The following EPHA6 variants were observed in gnomAD, a reference collection of about 807,000 sequenced individuals.
EPHA6 encodes EPH receptor A6.
A neutral mutation model predicts 112.0 loss-of-function variants in EPHA6; 50 were observed. That is an observed-to-expected ratio of 0.45 (90% CI 0.36 to 0.56). EPHA6 has a LOEUF of 0.56. Ranked by LOEUF, EPHA6 falls within the 20% of genes least tolerant of loss-of-function variation. EPHA6 has a pLI of 0.00. For synonymous variants in EPHA6, 529 were observed against 490.7 expected (o/e 1.08, Z -1.03); for missense variants, 1,280 against 1,417.4 (o/e 0.90, Z 1.56).
At chr3:97,372,523 A>C (rs1345629691) in intron 5 of EPHA6, among the ~76,000 whole-genome samples, 1 of 152,168 alleles carries the variant, frequency 6.6e-6, no homozygotes, top group African/African-American at 2.4e-5. Context: ...CAATAATTTG[A>C]AAATGACCTA....
intron 6 of EPHA6, among the ~76,000 whole-genome samples, chr3:97,425,616 C>T (rs1208055361): frequency 1.3e-5 from 2 of 152,192 alleles, no homozygotes; most frequent in Non-Finnish European, 2.9e-5. Flanking sequence ...GGGAAGATCT[C>T]TGACATGGCC....
At chr3:97,680,107 A>T (rs1218062330) in intron 14 of EPHA6, among the ~76,000 whole-genome samples, 1 of 152,172 alleles carries the variant, frequency 6.6e-6, no homozygotes, top group African/African-American at 2.4e-5. Context: ...AATCTCTGTC[A>T]ATTTTGACTT....
chr3:97,572,147 C>CTTTTTT (rs869271956), intron 11 of EPHA6, among the ~76,000 whole-genome samples: 10 of 128,362 alleles, frequency 7.8e-5, no homozygotes, highest in South Asian at 2.5e-4. Context: ...ATCTCTTTTC[C>CTTTTTT]TTTTTTTTTT....
At chr3:97,044,091 C>T (rs2045420615) in intron 3 of EPHA6, among the ~76,000 whole-genome samples, 1 of 152,196 alleles carries the variant, frequency 6.6e-6, no homozygotes, top group Non-Finnish European at 1.5e-5. Context: ...CATACATGTA[C>T]AGATGATGCT....
At chr3:97,547,810 C>G (rs1457436989) in intron 11 of EPHA6, among the ~76,000 whole-genome samples, 1 of 152,178 alleles carries the variant, frequency 6.6e-6, no homozygotes, top group African/African-American at 2.4e-5. Context: ...GCAGCTGGAT[C>G]TTAGACTGCT....
chr3:97,366,875 C>G (rs940936607), intron 5 of EPHA6, among the ~76,000 whole-genome samples: 1 of 152,118 alleles, frequency 6.6e-6, no homozygotes, highest in African/African-American at 2.4e-5. Context: ...CTTTTCTGTT[C>G]CTATGAAATG....
At chr3:97,555,444 T>G (rs184606012) in intron 11 of EPHA6, among the ~76,000 whole-genome samples, 1 of 151,742 alleles carries the variant, frequency 6.6e-6, no homozygotes, top group South Asian at 2.1e-4. Context: ...GGTATATACC[T>G]AGTAATGGGA....
intron 14 of EPHA6, among the ~76,000 whole-genome samples, chr3:97,688,410 T>A (rs1391478053): frequency 6.6e-6 from 1 of 151,862 alleles, no homozygotes; most frequent in Non-Finnish European, 1.5e-5. Flanking sequence ...AAGTAACATG[T>A]ACTTGTTCAT....
intron 2 of EPHA6, among the ~76,000 whole-genome samples, chr3:96,904,761 G>C (rs532458302): frequency 5.3e-4 from 81 of 152,078 alleles, no homozygotes; most frequent in Admixed American, 2.6e-4. Flanking sequence ...GATATGTATA[G>C]ATATTCGTCA....
At chr3:96,882,169 C>T (rs2107512779) in intron 2 of EPHA6, among the ~76,000 whole-genome samples, 1 of 152,230 alleles carries the variant, frequency 6.6e-6, no homozygotes, top group Non-Finnish European at 1.5e-5. Flanking sequence ...GAGGCTCTGA[C>T]CCCACATTTC....
At chr3:97,056,165 A>G (rs981401163) in intron 3 of EPHA6, among the ~76,000 whole-genome samples, 1 of 152,156 alleles carries the variant, frequency 6.6e-6, no homozygotes, top group African/African-American at 2.4e-5. Flanking sequence ...GACAGCTGAT[A>G]TTATTGCTGG....
intron 11 of EPHA6, among the ~76,000 whole-genome samples, chr3:97,589,743 G>A (rs1024598648): frequency 2.0e-5 from 3 of 151,962 alleles, no homozygotes; most frequent in African/African-American, 7.2e-5. Flanking sequence ...AACTTGTAAC[G>A]GCTAGAGGAA....
chr3:96,935,802 T>C (rs2040551612), intron 2 of EPHA6, among the ~76,000 whole-genome samples: 1 of 150,612 alleles, frequency 6.6e-6, no homozygotes. Flanking sequence ...TCTGATCTAA[T>C]TTACACATGC....
At chr3:97,492,663 G>A (rs1214399981) in intron 10 of EPHA6, among the ~76,000 whole-genome samples, 3 of 146,422 alleles carry the variant, frequency 2.0e-5, no homozygotes, top group South Asian at 2.1e-4. Flanking sequence ...AGGTAGAAAG[G>A]AGGAAAGAAA....
At chr3:97,610,189 T>C (rs2093708343) in intron 12 of EPHA6, among the ~76,000 whole-genome samples, 1 of 151,626 alleles carries the variant, frequency 6.6e-6, no homozygotes, top group South Asian at 2.1e-4. Context: ...CTATGTCCAA[T>C]GAAGACATAA....
chr3:97,263,654 T>C (rs1013106736), intron 5 of EPHA6, among the ~76,000 whole-genome samples: 6 of 152,086 alleles, frequency 3.9e-5, no homozygotes, highest in African/African-American at 1.4e-4. Context: ...AGAATAAAAA[T>C]ATTAAGTCAC....
chr3:97,355,071 T>G (rs2084000487), intron 5 of EPHA6, among the ~76,000 whole-genome samples: 1 of 152,106 alleles, frequency 6.6e-6, no homozygotes, highest in African/African-American at 2.4e-5. Context: ...AAGCAAAAGC[T>G]GAGGAGTTTC....
At chr3:97,387,186 A>G (rs532828864) in intron 5 of EPHA6, among the ~76,000 whole-genome samples, 1 of 152,244 alleles carries the variant, frequency 6.6e-6, no homozygotes, top group East Asian at 1.9e-4. Context: ...TTTGGCTTCT[A>G]TTTACTTATG....
At chr3:97,177,871 C>T (rs1263341766) in intron 3 of EPHA6, among the ~76,000 whole-genome samples, 2 of 152,012 alleles carry the variant, frequency 1.3e-5, no homozygotes, top group African/African-American at 4.8e-5. Context: ...TTGTAGACAA[C>T]AGATCAGTGG....
Sources: gnomAD v4.1 joint callset for allele counts (sites outside exome capture counted in the v4.1 genomes callset) on GRCh38, gnomAD v4.1.1 for gene constraint, MANE v1.5 for transcripts, NCBI Gene and HGNC (gene_info 2026-07-23, HGNC 2026-07-21) for gene names.